Variants in TENT4B observed in about 807,000 individuals in gnomAD.
TENT4B encodes terminal nucleotidyltransferase 4B, also known as PAP associated domain containing 5.
TENT4B carries 10 observed loss-of-function variants against 75.0 expected under a neutral mutation model. The observed-to-expected ratio is 0.13, with a 90% confidence interval of 0.08 to 0.23. The LOEUF (loss-of-function observed/expected upper bound fraction) is 0.23. Among genes scored for constraint, TENT4B ranks in the 10% least tolerant of loss-of-function variants. The pLI is 1.00. For missense variants in TENT4B, 579 were observed against 893.8 expected, an observed-to-expected ratio of 0.65 and a Z score of 4.49; for synonymous variants, 350 against 357.7, an observed-to-expected ratio of 0.98 and a Z score of 0.24.
rs150462404 is a variant in TENT4B at position 50,196,469 on chromosome 16, G to A, written c.639-14854G>A. 8.5e-3 allele frequency among the ~76,000 whole-genome samples: 1,260 copies of A among 148,412 alleles called. 12 individuals are homozygous for A. The highest frequency in any genetic ancestry group is 0.022 in the South Asian group (103 of 4,602). On this transcript the variant is annotated intron_variant, in intron 1 of 11. Transcript: ENST00000561678. The stretch of plus-strand genomic sequence containing the variant: ...TTTACCGGGAAGCCATATACTTAGA[G>A]TAGCTTTTAGTTTATCATTATCATC...
At chr16:50,162,166 A>G (rs1037952708) in intron 1 of TENT4B, among the ~76,000 whole-genome samples, 1 of 152,344 alleles carries the variant, frequency 6.6e-6, no homozygotes, top group Admixed American at 6.5e-5. Flanking sequence ...AGTCCATAGT[A>G]TGGCTGAACC....
At position 50,211,412 on chromosome 16, in the gene TENT4B, A is replaced by G. The variant is rs772670521; in HGVS notation, c.728A>G (p.Glu243Gly). 1 of 1,606,318 alleles carries G rather than the reference A, an allele frequency of 6.2e-7. No homozygotes were observed. Among genetic ancestry groups the G allele is most frequent in the Admixed American group, 1.8e-5 (1 of 57,140 alleles). ...KMRMEVVNRI[E>G]SVIKELWPSA... ...CGGATGGAGGTGGTGAACAGGATCG[A>G]GAGTGTAATTAAGGAGCTCTGGCCC... The change falls in exon 2 of 12, where the codon GAG becomes GGG. Residue 243 changes from glutamate (E) to glycine (G), a missense_variant. Glu to Gly is a moderately conservative substitution (Grantham distance 98). Coordinates refer to ENST00000561678, the MANE Select transcript of TENT4B (RefSeq NM_001365324.3).
intron 4 of TENT4B, among the ~76,000 whole-genome samples, chr16:50,217,099 T>C (rs755888696): frequency 1.3e-5 from 2 of 152,176 alleles, no homozygotes; most frequent in African/African-American, 2.4e-5. Flanking sequence ...GTTCTTCATC[T>C]TATACTCAGA....
chr16:50,190,104 A>G (rs905151947), intron 1 of TENT4B, among the ~76,000 whole-genome samples: 1 of 151,402 alleles, frequency 6.6e-6, no homozygotes, highest in Admixed American at 6.6e-5. Context: ...CAAAGAAAAG[A>G]AAAGAAAGAA....
chr16:50,204,227 A>G lies in TENT4B; in HGVS notation c.639-7096A>G, dbSNP rs552641594. Among the ~76,000 whole-genome samples the G allele has an allele frequency of 3.1e-4, 47 of 152,314 alleles. 1 individual carries two copies. The highest frequency in any genetic ancestry group is 6.0e-4 in the Non-Finnish European group (41 of 68,018). The stretch of plus-strand genomic sequence containing the variant: ...TAGGGAGACCAGTTTGGAGGCTGCC[A>G]TAGTGTTCTACTGAGAGAGAAAAAG... On this transcript the variant is annotated intron_variant, in intron 1 of 11. Transcript: ENST00000561678.
At chr16:50,219,219 A>G (rs1216416772) in intron 5 of TENT4B, among the ~76,000 whole-genome samples, 3 of 152,240 alleles carry the variant, frequency 2.0e-5, no homozygotes, top group Admixed American at 6.5e-5. Context: ...CCCTTACACC[A>G]TAGATACTTA....
chr16:50,175,120 CAT>C (rs1417752705), intron 1 of TENT4B, among the ~76,000 whole-genome samples: 5 of 152,146 alleles, frequency 3.3e-5, no homozygotes, highest in African/African-American at 1.2e-4. Context: ...TTAGCTCCCA[CAT>C]ATGAGTAAGA....
chr16:50,222,011 C>T (rs778845202), intron 5 of TENT4B, among the ~76,000 whole-genome samples: 2 of 152,096 alleles, frequency 1.3e-5, no homozygotes, highest in African/African-American at 4.8e-5. Context: ...GTGATCTGCC[C>T]GCCTTGGTCT....
intron 2 of TENT4B, among the ~76,000 whole-genome samples, chr16:50,211,966 C>CTAAT (rs1310315927): frequency 6.6e-6 from 1 of 152,178 alleles, no homozygotes; most frequent in Admixed American, 6.5e-5. Context: ...CTCAGACCAG[C>CTAAT]TAATTGCCTT....
chr16:50,181,004 C>T (rs898588983), intron 1 of TENT4B, among the ~76,000 whole-genome samples: 2 of 152,232 alleles, frequency 1.3e-5, no homozygotes, highest in African/African-American at 4.8e-5. Flanking sequence ...GTGAATTAAA[C>T]AACTACAAAA....
chr16:50,211,815 C>T (rs2031293968), intron 2 of TENT4B, among the ~76,000 whole-genome samples: 1 of 152,124 alleles, frequency 6.6e-6, no homozygotes, highest in Non-Finnish European at 1.5e-5. Context: ...TCCAGCCTGC[C>T]AGGGTAAACA....
chr16:50,205,737 C>T (rs1219488273), intron 1 of TENT4B, among the ~76,000 whole-genome samples: 1 of 151,208 alleles, frequency 6.6e-6, no homozygotes, highest in African/African-American at 2.4e-5. Context: ...ATTACAGGCG[C>T]CTGCCACCAC....
At chr16:50,178,110 T>A (rs1388371899) in intron 1 of TENT4B, among the ~76,000 whole-genome samples, 1 of 151,808 alleles carries the variant, frequency 6.6e-6, no homozygotes, top group Non-Finnish European at 1.5e-5. Flanking sequence ...TTTCAATTTG[T>A]TAAGGTGCTC....
At chr16:50,156,819 C>G (rs986517923) in intron 1 of TENT4B, among the ~76,000 whole-genome samples, 1 of 151,972 alleles carries the variant, frequency 6.6e-6, no homozygotes, top group Non-Finnish European at 1.5e-5. Context: ...CCACACCTGC[C>G]TAATTTTTTT....
chr16:50,216,916 C>T (rs575246650), intron 4 of TENT4B, among the ~76,000 whole-genome samples: 3 of 152,222 alleles, frequency 2.0e-5, no homozygotes, highest in African/African-American at 7.2e-5. Flanking sequence ...TGTAAATAAT[C>T]CTGTCAGCTT....
In TENT4B at chr16:50,233,431, A is replaced by T. The variant is rs1315781939; in HGVS notation, c.*4103A>T. ...GTTATTTACATGATTTGAAAACTTG[A>T]CCTAACTGGAAGCCTTTTTCTCAGT... On this transcript the variant is annotated 3_prime_UTR_variant, in exon 12 of 12. Transcript: ENST00000561678. 2.0e-6 allele frequency: 2 copies of T among 985,242 alleles called. No homozygotes were observed. The highest frequency in any genetic ancestry group is 2.4e-6 in the Non-Finnish European group (2 of 829,928). 61.0% of individuals were successfully genotyped at this position (985,242 alleles called of 1,614,324 possible).
chr16:50,177,704 C>G (rs2038336435), intron 1 of TENT4B, among the ~76,000 whole-genome samples: 1 of 151,744 alleles, frequency 6.6e-6, no homozygotes, highest in Admixed American at 6.6e-5. Flanking sequence ...TGATTTTTCT[C>G]TATTAATTTT....
At chr16:50,187,590 G>A (rs957706590) in intron 1 of TENT4B, among the ~76,000 whole-genome samples, 5 of 152,076 alleles carry the variant, frequency 3.3e-5, no homozygotes, top group Non-Finnish European at 4.4e-5. Flanking sequence ...CGTGCGGGGT[G>A]GGGGGTAAAA....
At chr16:50,190,734 C>G (rs539716813) in intron 1 of TENT4B, among the ~76,000 whole-genome samples, 17 of 152,138 alleles carry the variant, frequency 1.1e-4, no homozygotes, top group Non-Finnish European at 2.2e-4. Flanking sequence ...ACTATCTTAA[C>G]CATTTAAGCC....
Sources: allele counts gnomAD v4.1 joint callset (sites outside exome capture counted in the v4.1 genomes callset), GRCh38; gene constraint gnomAD v4.1.1; transcripts MANE v1.5; gene names NCBI Gene and HGNC (gene_info 2026-07-23, HGNC 2026-07-21).